FAM184B: variants seen among roughly 807,000 people sequenced by gnomAD.
The protein encoded by FAM184B is protein FAM184B.
FAM184B carries 111 observed loss-of-function variants against 135.9 expected under a neutral mutation model. The ratio of observed to expected loss-of-function variants is 0.82; its 90% CI spans 0.70 to 0.96. The LOEUF (loss-of-function observed/expected upper bound fraction) is 0.96. Ranked by LOEUF, FAM184B falls within the 40% of genes least tolerant of loss-of-function variation. The pLI is 0.00. For missense variants in FAM184B, 1,375 were observed against 1,323.9 expected, an observed-to-expected ratio of 1.04 and a Z score of -0.60; for synonymous variants, 552 against 524.8, an observed-to-expected ratio of 1.05 and a Z score of -0.71.
intron 1 of FAM184B, among the ~76,000 whole-genome samples, chr4:17,732,997 T>A (rs1383454717): frequency 6.6e-6 from 1 of 152,208 alleles, no homozygotes; most frequent in African/African-American, 2.4e-5. Context: ...CATGATCAAG[T>A]GGGCTTCATT....
intron 1 of FAM184B, among the ~76,000 whole-genome samples, chr4:17,741,398 A>G (rs1350539582): frequency 1.3e-5 from 2 of 152,166 alleles, no homozygotes; most frequent in African/African-American, 4.8e-5. Flanking sequence ...CCCAGGGTTC[A>G]AGAGCAAAGT....
chr4:17,706,347 TC>T (rs1717118657), intron 3 of FAM184B, among the ~76,000 whole-genome samples: 1 of 152,140 alleles, frequency 6.6e-6, no homozygotes, highest in South Asian at 2.1e-4. Context: ...AACCAGTACC[TC>T]CCCTTCTCTG....
At chr4:17,730,114 G>A (rs1169197366) in intron 1 of FAM184B, among the ~76,000 whole-genome samples, 3 of 152,234 alleles carry the variant, frequency 2.0e-5, no homozygotes, top group Non-Finnish European at 4.4e-5. Flanking sequence ...ATTACTTGAA[G>A]AATGCAGAAG....
Position 17,642,067 on chromosome 4 carries a change from T to A in FAM184B, c.2508A>T (p.Arg836=). The change falls in exon 13 of 18, where the codon CGA becomes CGT. Residue 836 remains arginine, a synonymous_variant. Transcript: ENST00000265018. ...GCCGGGTCACCCACCTGCGCTGGTC[T>A]CGGAGCTTCTGCGCCTCCTGCTGAT... is the stretch of plus-strand genomic sequence containing the variant. The part of the protein sequence containing the change: ...EQHQQEAQKL[R]DQRRFLEETQ... 1 of 1,530,906 alleles carries A rather than the reference T, an allele frequency of 6.5e-7. No homozygotes were observed. Among genetic ancestry groups the A allele is most frequent in the Non-Finnish European group, 8.7e-7 (1 of 1,144,798 alleles). 94.8% of individuals were successfully genotyped at this position (1,530,906 alleles called of 1,614,324 possible). A position where few individuals can be genotyped will look rare whatever the true frequency, so the allele number is the denominator to read the frequency against.
chr4:17,727,967 G>C (rs1482513266), intron 1 of FAM184B, among the ~76,000 whole-genome samples: 2 of 151,856 alleles, frequency 1.3e-5, no homozygotes, highest in African/African-American at 4.8e-5. Flanking sequence ...TGGCCATTGA[G>C]TTCTTATTTA....
intron 1 of FAM184B, among the ~76,000 whole-genome samples, chr4:17,735,446 C>G (rs1421747942): frequency 6.6e-6 from 1 of 151,978 alleles, no homozygotes; most frequent in Non-Finnish European, 1.5e-5. Flanking sequence ...TTAAAATGAT[C>G]AAAGGAAATT....
intron 1 of FAM184B, among the ~76,000 whole-genome samples, chr4:17,752,666 A>G (rs370397697): frequency 6.6e-6 from 1 of 152,202 alleles, no homozygotes; most frequent in East Asian, 1.9e-4. Context: ...TCTACTGCAC[A>G]AAATTTGTAT....
At chr4:17,665,164 G>A (rs1331790683) in intron 7 of FAM184B, among the ~76,000 whole-genome samples, 2 of 152,182 alleles carry the variant, frequency 1.3e-5, no homozygotes, top group East Asian at 3.9e-4. Context: ...GTAAGTGTGA[G>A]TGAATGGTGT....
At chr4:17,686,016 C>A (rs1275717995) in intron 7 of FAM184B, among the ~76,000 whole-genome samples, 1 of 152,202 alleles carries the variant, frequency 6.6e-6, no homozygotes, top group Non-Finnish European at 1.5e-5. Context: ...CAGCTTACCA[C>A]CTTATTTCAG....
chr4:17,761,460 T>G (rs1718545096), intron 1 of FAM184B, among the ~76,000 whole-genome samples: 1 of 152,184 alleles, frequency 6.6e-6, no homozygotes, highest in African/African-American at 2.4e-5. Context: ...CCCAAGCAGA[T>G]CTATACAGAT....
At chr4:17,704,551 G>A (rs1229320470) in intron 5 of FAM184B, among the ~76,000 whole-genome samples, 1 of 152,202 alleles carries the variant, frequency 6.6e-6, no homozygotes, top group Non-Finnish European at 1.5e-5. Context: ...AGGATCCTGA[G>A]GCATGTGGAA....
intron 1 of FAM184B, among the ~76,000 whole-genome samples, chr4:17,746,078 C>G (rs1384060228): frequency 1.3e-5 from 2 of 152,054 alleles, no homozygotes; most frequent in African/African-American, 2.4e-5. Flanking sequence ...CTTGCCTCAG[C>G]CTCCCGAGTA....
chr4:17,722,223 C>T (rs777820848), intron 1 of FAM184B, among the ~76,000 whole-genome samples: 5 of 152,204 alleles, frequency 3.3e-5, no homozygotes, highest in Non-Finnish European at 5.9e-5. Context: ...ACAGTCACTG[C>T]TCTTGACTCA....
intron 1 of FAM184B, among the ~76,000 whole-genome samples, chr4:17,740,888 G>C (rs1368404795): frequency 6.6e-6 from 1 of 152,082 alleles, no homozygotes; most frequent in Non-Finnish European, 1.5e-5. Flanking sequence ...GCATAACCTT[G>C]CCGTCTCTTT....
intron 1 of FAM184B, among the ~76,000 whole-genome samples, chr4:17,749,150 T>A (rs956684329): frequency 6.6e-6 from 1 of 152,164 alleles, no homozygotes. Context: ...TCCTTATTTC[T>A]TTTTTAAAGA....
At chr4:17,704,128 C>G (rs1436947981) in intron 5 of FAM184B, among the ~76,000 whole-genome samples, 1 of 152,102 alleles carries the variant, frequency 6.6e-6, no homozygotes, top group African/African-American at 2.4e-5. Flanking sequence ...CCCAGTGATA[C>G]AGGATTATCT....
rs150196581 is a variant in FAM184B at position 17,755,989 on chromosome 4, G to A, written c.141+25170C>T. On this transcript the variant is annotated intron_variant, in intron 1 of 17. Transcript: ENST00000265018. Reference sequence around the variant, plus strand: ...ATACCTAGGTGATGGGTTGATCTGTGCAGCAAATCACCATGGCACATGTTT... The same window carrying A: ...ATACCTAGGTGATGGGTTGATCTGTACAGCAAATCACCATGGCACATGTTT... Among the ~76,000 whole-genome samples the A allele has an allele frequency of 3.6e-3, 541 of 152,268 alleles. 2 individuals carry two copies. The highest frequency in any genetic ancestry group is 0.012 in the African/African-American group (478 of 41,550).
intron 1 of FAM184B, among the ~76,000 whole-genome samples, chr4:17,776,733 G>GT (rs376996526): frequency 4.4e-4 from 65 of 148,946 alleles, no homozygotes; most frequent in Middle Eastern, 3.5e-3. Flanking sequence ...TTTTTAAAAG[G>GT]TTTTTTTTTT....
intron 12 of FAM184B, among the ~76,000 whole-genome samples, 163 bp from the exon 13 acceptor site, chr4:17,642,391 T>C (rs1577243265): frequency 6.6e-6 from 1 of 152,278 alleles, no homozygotes; most frequent in East Asian, 1.9e-4. Flanking sequence ...CCATCTAGTC[T>C]CTTAAAAAAT....
Sources: allele counts gnomAD v4.1 joint callset (sites outside exome capture counted in the v4.1 genomes callset), GRCh38; gene constraint gnomAD v4.1.1; transcripts MANE v1.5; gene names NCBI Gene and HGNC (gene_info 2026-07-23, HGNC 2026-07-21).